Variants in CRPPA observed in about 807,000 individuals in gnomAD.
The protein encoded by CRPPA is CDP-L-ribitol pyrophosphorylase A.
CRPPA carries 43 observed loss-of-function variants against 52.0 expected under a neutral mutation model. The observed-to-expected ratio is 0.83, with a 90% CI of 0.65 to 1.07. CRPPA has a LOEUF of 1.07. CRPPA is among the 50% of genes least tolerant of loss of function. CRPPA has a pLI of 0.00. For missense variants in CRPPA, 629 were observed against 551.7 expected (o/e 1.14, Z -1.40); for synonymous variants, 250 against 203.5 (o/e 1.23, Z -1.94).
intron 9 of CRPPA, among the ~76,000 whole-genome samples, chr7:16,133,679 T>A (rs976422231): frequency 8.1e-6 from 1 of 124,088 alleles, no homozygotes; most frequent in Admixed American, 8.2e-5. Context: ...CATAACACCA[T>A]GGGAGCCATA....
chr7:16,268,856 G>C (rs1167480857), intron 6 of CRPPA: 1 of 152,214 alleles, frequency 6.6e-6, no homozygotes, highest in Non-Finnish European at 1.5e-5. Context: ...TTTCCTGACA[G>C]AAGGCTGCTC....
At chr7:16,105,375 A>G (rs1456406679) in intron 9 of CRPPA, among the ~76,000 whole-genome samples, 5 of 152,222 alleles carry the variant, frequency 3.3e-5, no homozygotes, top group African/African-American at 1.2e-4. Context: ...GCCAGATGAA[A>G]AGAATTTCCC....
chr7:16,215,422 A>T (rs1446592098), intron 9 of CRPPA, among the ~76,000 whole-genome samples: 2 of 152,194 alleles, frequency 1.3e-5, no homozygotes, highest in East Asian at 3.8e-4. Flanking sequence ...TTTAAATAGC[A>T]TTTCTCTGCA....
At chr7:16,101,107 G>C (rs1035295806) in intron 9 of CRPPA, among the ~76,000 whole-genome samples, 3 of 152,086 alleles carry the variant, frequency 2.0e-5, no homozygotes, top group African/African-American at 7.2e-5. Flanking sequence ...ATTGGCCTGA[G>C]ACACAACTTT....
At chr7:16,345,243 T>C (rs1785981983) in intron 3 of CRPPA, among the ~76,000 whole-genome samples, 1 of 152,194 alleles carries the variant, frequency 6.6e-6, no homozygotes, top group South Asian at 2.1e-4. Context: ...CCAAGTATTC[T>C]ATTCCAGCAA....
intron 8 of CRPPA, among the ~76,000 whole-genome samples, chr7:16,231,304 G>A (rs980669751): frequency 2.0e-5 from 3 of 152,206 alleles, no homozygotes; most frequent in Admixed American, 6.5e-5. Flanking sequence ...CCTTGTGAAC[G>A]TATTTTCACA....
chr7:16,191,071 C>G (rs1371050233), intron 9 of CRPPA, among the ~76,000 whole-genome samples: 1 of 152,006 alleles, frequency 6.6e-6, no homozygotes, highest in African/African-American at 2.4e-5. Context: ...GAAAATTATC[C>G]AATTGTTAAT....
chr7:16,308,693 T>C, intron 3 of CRPPA, 66 bp from the exon 4 acceptor site: 2 of 938,438 alleles, frequency 2.1e-6, no homozygotes, highest in Non-Finnish European at 3.4e-6. Flanking sequence ...CCAAGCCTTT[T>C]ATTTCATAAT....
chr7:16,409,854 G>C (rs1206439573), intron 1 of CRPPA, among the ~76,000 whole-genome samples: 1 of 152,150 alleles, frequency 6.6e-6, no homozygotes, highest in East Asian at 1.9e-4. Context: ...TCCTCTTCTA[G>C]AATGTAGGCT....
At chr7:16,186,741 TG>T (rs1425271938) in intron 9 of CRPPA, among the ~76,000 whole-genome samples, 1 of 152,190 alleles carries the variant, frequency 6.6e-6, no homozygotes, top group South Asian at 2.1e-4. Context: ...CCTGATTTTT[TG>T]TAAGCTCAAA....
At chr7:16,183,995 G>T (rs568427294) in intron 9 of CRPPA, among the ~76,000 whole-genome samples, 3 of 152,198 alleles carry the variant, frequency 2.0e-5, no homozygotes, top group African/African-American at 7.2e-5. Flanking sequence ...AGGCTGGACT[G>T]TAGTGGCGTG....
chr7:16,368,326 C>A (rs938436509), intron 3 of CRPPA, among the ~76,000 whole-genome samples: 1 of 152,226 alleles, frequency 6.6e-6, no homozygotes, highest in Non-Finnish European at 1.5e-5. Context: ...CTTTAGCAAA[C>A]TCCTAATGTG....
intron 5 of CRPPA, among the ~76,000 whole-genome samples, chr7:16,285,657 A>C (rs866306261): frequency 1.1e-4 from 16 of 152,086 alleles, no homozygotes; most frequent in African/African-American, 3.6e-4. Context: ...AAGAAGCCCA[A>C]ATTTTTCTGT....
rs1056059110 is a variant in CRPPA at position 16,216,109 on chromosome 7, T to C, written c.1208A>G (p.Glu403Gly). ...AAGCCCATATAACAAAATATTTCTT[T>C]CTTTTACTTCCTTTGCAAATTCTCT... ...QIREFAKEVK[E>G]RNILLYGLLI... The change falls in exon 9 of 10, where the codon GAA becomes GGA. Residue 403 changes from glutamate (E) to glycine (G), a missense_variant. Coordinates refer to ENST00000407010, the MANE Select transcript of CRPPA (RefSeq NM_001101426.4). The C allele has an allele frequency of 1.2e-6, 2 of 1,601,334 alleles. No individual in the cohort carries two copies. Among genetic ancestry groups the C allele is most frequent in the East Asian group, 2.2e-5 (1 of 44,620 alleles).
chr7:16,277,982 T>C, intron 6 of CRPPA, 147 bp downstream of exon 6: 1 of 629,016 alleles, frequency 1.6e-6, no homozygotes, highest in South Asian at 1.8e-5. Context: ...TCCTAAGTGC[T>C]GGCAGACCAA....
At chr7:16,363,369 G>T (rs900941994) in intron 3 of CRPPA, among the ~76,000 whole-genome samples, 1 of 152,184 alleles carries the variant, frequency 6.6e-6, no homozygotes, top group South Asian at 2.1e-4. Context: ...TAAAATATCA[G>T]GTAGCTAAAT....
intron 9 of CRPPA, among the ~76,000 whole-genome samples, chr7:16,166,375 G>C (rs2128383759): frequency 6.6e-6 from 1 of 152,146 alleles, no homozygotes; most frequent in East Asian, 1.9e-4. Context: ...TGTCTTCCAG[G>C]TTCCAGCGAT....
chr7:16,109,408 C>A (rs1019668689), intron 9 of CRPPA, among the ~76,000 whole-genome samples: 1 of 151,760 alleles, frequency 6.6e-6, no homozygotes, highest in Non-Finnish European at 1.5e-5. Flanking sequence ...GAGAGTGAAT[C>A]AAGAATAAAA....
At chr7:16,389,584 A>G (rs900519008) in intron 2 of CRPPA, among the ~76,000 whole-genome samples, 1 of 152,082 alleles carries the variant, frequency 6.6e-6, no homozygotes, top group Non-Finnish European at 1.5e-5. Context: ...CAAAAATTAG[A>G]AACAGAAGAG....
Sources: gnomAD v4.1 joint callset for allele counts (sites outside exome capture counted in the v4.1 genomes callset) on GRCh38, gnomAD v4.1.1 for gene constraint, MANE v1.5 for transcripts, NCBI Gene and HGNC (gene_info 2026-07-23, HGNC 2026-07-21) for gene names.